BAZ2B: variants seen among roughly 807,000 people sequenced by gnomAD.
BAZ2B encodes bromodomain adjacent to zinc finger domain 2B, also known as bromodomain adjacent to zinc finger domain protein 2B.
Under a neutral mutation model 246.0 loss-of-function variants are expected in BAZ2B, and 91 were observed. The ratio of observed to expected loss-of-function variants is 0.37; its 90% CI spans 0.31 to 0.44. The LOEUF is 0.44. BAZ2B is among the 20% of genes least tolerant of loss of function. The pLI is 1.00. For missense variants in BAZ2B, 2,332 were observed against 2,533.7 expected (o/e 0.92, Z 1.71); for synonymous variants, 855 against 860.0 (o/e 0.99, Z 0.10).
intron 1 of BAZ2B, among the ~76,000 whole-genome samples, chr2:159,578,918 TA>T (rs1686031756): frequency 6.6e-6 from 1 of 152,108 alleles, no homozygotes; most frequent in South Asian, 2.1e-4. Context: ...GGGACACATT[TA>T]AAGCAGTGTG....
chr2:159,430,465 T>A (rs562348687), intron 10 of BAZ2B, among the ~76,000 whole-genome samples: 1 of 152,358 alleles, frequency 6.6e-6, no homozygotes, highest in South Asian at 2.1e-4. Flanking sequence ...AGGCTAACAG[T>A]TAAGTTTTTG....
At chr2:159,580,326 G>C (rs1227348074) in intron 1 of BAZ2B, among the ~76,000 whole-genome samples, 2 of 152,132 alleles carry the variant, frequency 1.3e-5, no homozygotes, top group Admixed American at 6.5e-5. Context: ...TTGCTTCAAA[G>C]AGAATAAAAT....
At chr2:159,434,515 G>A (rs1349011091) in intron 8 of BAZ2B, 1 of 152,042 alleles carries the variant, frequency 6.6e-6, no homozygotes, top group Non-Finnish European at 1.5e-5. Flanking sequence ...ACCACCTTTA[G>A]TATACATAGA....
chr2:159,377,037 T>TCAACA (rs1199729831), intron 25 of BAZ2B, among the ~76,000 whole-genome samples: 1 of 152,156 alleles, frequency 6.6e-6, no homozygotes, highest in East Asian at 1.9e-4. Context: ...CCCATAGGTC[T>TCAACA]CAACACAACT....
chr2:159,436,099 T>A (rs2072234581), intron 8 of BAZ2B, among the ~76,000 whole-genome samples: 1 of 152,142 alleles, frequency 6.6e-6, no homozygotes, highest in Admixed American at 6.5e-5. Context: ...AGCAGAAAAA[T>A]TAGTGTGTTT....
chr2:159,460,620 A>G (rs1245461930), intron 3 of BAZ2B: 2 of 152,142 alleles, frequency 1.3e-5, no homozygotes, highest in Admixed American at 6.5e-5. Flanking sequence ...ATGGTGGTAT[A>G]TTCAAATAAA....
At chr2:159,563,999 T>C (rs1156591142) in intron 1 of BAZ2B, among the ~76,000 whole-genome samples, 1 of 152,226 alleles carries the variant, frequency 6.6e-6, no homozygotes, top group Non-Finnish European at 1.5e-5. Flanking sequence ...AGTATAGCAC[T>C]GAACAAGACA....
chr2:159,606,559 A>G (rs1027014649), intron 1 of BAZ2B, among the ~76,000 whole-genome samples: 23 of 152,198 alleles, frequency 1.5e-4, no homozygotes, highest in African/African-American at 5.5e-4. Flanking sequence ...GATAGTAAGC[A>G]TGGCTTTGAA....
In BAZ2B at chr2:159,532,568, A is replaced by G. The variant is rs1480378297; in HGVS notation, c.-3+23255T>C. Among the ~76,000 whole-genome samples, 5 of 152,334 alleles carry G rather than the reference A, an allele frequency of 3.3e-5. No individual in the cohort carries two copies. The East Asian group carries it at 7.7e-4, about 23-fold the overall frequency. On this transcript the variant is annotated intron_variant, in intron 2 of 36. Coordinates refer to ENST00000392783, the MANE Select transcript of BAZ2B (RefSeq NM_013450.4). Reference sequence around the variant, plus strand: ...TGTACAGTGATAGGAAGTGTGTTACATAAGAAGGAATTTTGGAATTAGAAG... The same window carrying G: ...TGTACAGTGATAGGAAGTGTGTTACGTAAGAAGGAATTTTGGAATTAGAAG...
chr2:159,395,146 C>A (rs960481264), intron 20 of BAZ2B, among the ~76,000 whole-genome samples: 1 of 152,092 alleles, frequency 6.6e-6, no homozygotes, highest in Admixed American at 6.5e-5. Flanking sequence ...GCAGAACCAG[C>A]AGGGGAACCT....
At chr2:159,456,045 T>C (rs2075733259) in intron 3 of BAZ2B, among the ~76,000 whole-genome samples, 1 of 151,946 alleles carries the variant, frequency 6.6e-6, no homozygotes, top group Non-Finnish European at 1.5e-5. Context: ...ATCTGTAATT[T>C]ATGTTTTACA....
At chr2:159,473,355 T>C (rs968853605) in intron 3 of BAZ2B, among the ~76,000 whole-genome samples, 4 of 152,240 alleles carry the variant, frequency 2.6e-5, no homozygotes, top group East Asian at 1.9e-4. Context: ...TTTATTTGCA[T>C]AGAGGTGTTT....
At chr2:159,596,714 CTG>C (rs1200553072) in intron 1 of BAZ2B, among the ~76,000 whole-genome samples, 1 of 152,152 alleles carries the variant, frequency 6.6e-6, no homozygotes, top group Non-Finnish European at 1.5e-5. Flanking sequence ...CCAAAGTCCA[CTG>C]TGTCATTCTT....
At chr2:159,589,564 C>G (rs1280683322) in intron 1 of BAZ2B, among the ~76,000 whole-genome samples, 1 of 152,114 alleles carries the variant, frequency 6.6e-6, no homozygotes, top group East Asian at 1.9e-4. Context: ...TAACAATCGC[C>G]TTAGTTTCTA....
In BAZ2B at chr2:159,325,763, G is replaced by C; in HGVS notation, c.6099C>G (p.Leu2033=). Residue 2033 remains leucine (L), a synonymous_variant, in exon 35 of 37, where the codon CTC becomes CTG. Coordinates refer to ENST00000392783, the MANE Select transcript of BAZ2B (RefSeq NM_013450.4). ...SSSLKRGNKD[L]KKRKMEENTS... is the part of the protein sequence containing the mutation. Reference sequence around the variant, plus strand: ...TGTTTTCCTCCATTTTTCTTTTCTTGAGGTCTTTGTTTCCTCTTTTTAGTG... The same window carrying C: ...TGTTTTCCTCCATTTTTCTTTTCTTCAGGTCTTTGTTTCCTCTTTTTAGTG... The C allele has an allele frequency of 6.2e-7, 1 of 1,601,190 alleles. No homozygotes were observed. Among genetic ancestry groups the C allele is most frequent in the Non-Finnish European group, 8.5e-7 (1 of 1,177,068 alleles).
chr2:159,372,956 T>G, intron 27 of BAZ2B, 89 bp downstream of exon 27: 2 of 1,405,940 alleles, frequency 1.4e-6, no homozygotes, highest in Non-Finnish European at 1.9e-6. Flanking sequence ...ACATTGATTA[T>G]GGGAACACAA....
intron 1 of BAZ2B, among the ~76,000 whole-genome samples, chr2:159,567,315 T>G (rs1682863028): frequency 6.6e-6 from 1 of 152,198 alleles, no homozygotes; most frequent in African/African-American, 2.4e-5. Flanking sequence ...GCTTTTAGTT[T>G]CCTGTTCATC....
chr2:159,335,874 A>G (rs2065578821), intron 33 of BAZ2B, among the ~76,000 whole-genome samples: 1 of 152,166 alleles, frequency 6.6e-6, no homozygotes, highest in Non-Finnish European at 1.5e-5. Flanking sequence ...TTCAAAGTAA[A>G]TGGTAGCCAG....
chr2:159,531,211 T>A (rs1453654248), intron 2 of BAZ2B, among the ~76,000 whole-genome samples: 1 of 152,166 alleles, frequency 6.6e-6, no homozygotes, highest in African/African-American at 2.4e-5. Context: ...TAAGTAGTCT[T>A]AGTTAAGTCA....
Sources: gnomAD v4.1 joint callset for allele counts (sites outside exome capture counted in the v4.1 genomes callset) on GRCh38, gnomAD v4.1.1 for gene constraint, MANE v1.5 for transcripts, NCBI Gene and HGNC (gene_info 2026-07-23, HGNC 2026-07-21) for gene names.